LIN28B: variants seen among roughly 807,000 people sequenced by gnomAD.
LIN28B encodes lin-28 RNA binding posttranscriptional regulator B.
A neutral mutation model predicts 21.9 loss-of-function variants in LIN28B; 5 were observed. The ratio of observed to expected loss-of-function variants is 0.23; its 90% CI spans 0.12 to 0.48. The LOEUF (loss-of-function observed/expected upper bound fraction) is 0.48. Ranked by LOEUF, LIN28B falls within the 20% of genes least tolerant of loss-of-function variation. The pLI, the probability that LIN28B is intolerant of heterozygous loss-of-function variation, is 0.98. For synonymous variants in LIN28B, 109 were observed against 111.3 expected, an observed-to-expected ratio of 0.98 and a Z score of 0.13; for missense variants, 245 against 310.5, an observed-to-expected ratio of 0.79 and a Z score of 1.58.
At chr6:105,036,654 T>C (rs199717196) in intron 3 of LIN28B, among the ~76,000 whole-genome samples, 1 of 152,140 alleles carries the variant, frequency 6.6e-6, no homozygotes, top group Non-Finnish European at 1.5e-5. Flanking sequence ...CAAGATGCCA[T>C]TGGAATGGTC....
intron 2 of LIN28B, among the ~76,000 whole-genome samples, chr6:104,946,915 A>G (rs1176128487): frequency 1.3e-5 from 2 of 152,206 alleles, no homozygotes; most frequent in African/African-American, 4.8e-5. Context: ...GGAGATGAGA[A>G]TAAGTAATGA....
At chr6:105,061,521 C>T (rs1167540294) in intron 3 of LIN28B, among the ~76,000 whole-genome samples, 1 of 148,440 alleles carries the variant, frequency 6.7e-6, no homozygotes, top group Admixed American at 6.7e-5. Flanking sequence ...CCCCCACCCC[C>T]ACCCCCCAGT....
intron 2 of LIN28B, among the ~76,000 whole-genome samples, chr6:104,968,254 T>C (rs1769903926): frequency 6.6e-6 from 1 of 152,210 alleles, no homozygotes; most frequent in Non-Finnish European, 1.5e-5. Flanking sequence ...TTGTATTCAC[T>C]TCCTTTTACG....
At chr6:104,960,789 A>G (rs1769724120) in intron 2 of LIN28B, among the ~76,000 whole-genome samples, 1 of 152,170 alleles carries the variant, frequency 6.6e-6, no homozygotes, top group African/African-American at 2.4e-5. Context: ...AGTTGCTTCA[A>G]AATAAAGAGA....
intron 2 of LIN28B, among the ~76,000 whole-genome samples, chr6:105,001,273 T>G (rs749384133): frequency 2.0e-4 from 31 of 152,260 alleles, no homozygotes; most frequent in Non-Finnish European, 4.0e-4. Flanking sequence ...ATGCTCTGCC[T>G]GTGGAACACA....
chr6:105,078,297 G>A (rs1410973812), intron 3 of LIN28B, 117 bp from the exon 4 acceptor site: 1 of 919,536 alleles, frequency 1.1e-6, no homozygotes, highest in Non-Finnish European at 1.6e-6. Context: ...ATGCTTTTAA[G>A]AAGGCACATT....
At chr6:104,965,276 TC>T (rs1769830924) in intron 2 of LIN28B, among the ~76,000 whole-genome samples, 2 of 152,242 alleles carry the variant, frequency 1.3e-5, no homozygotes, top group Admixed American at 6.5e-5. Flanking sequence ...ATGCCTGTAA[TC>T]CCAGCACTTT....
At chr6:104,943,351 T>G (rs914096440) in intron 2 of LIN28B, among the ~76,000 whole-genome samples, 1 of 152,142 alleles carries the variant, frequency 6.6e-6, no homozygotes, top group African/African-American at 2.4e-5. Flanking sequence ...AAATCATGAT[T>G]AAAGGAAGAA....
At chr6:105,024,274 G>A (rs191870981) in intron 2 of LIN28B, among the ~76,000 whole-genome samples, 245 of 152,236 alleles carry the variant, frequency 1.6e-3, no homozygotes, top group Admixed American at 4.7e-3. Context: ...TTACAGGTGT[G>A]AGCTACCGCG....
At position 105,036,134 on chromosome 6, in the gene LIN28B, C is replaced by T. The variant is rs139567512; in HGVS notation, c.383+9652C>T. ...TGTATGCTTTTTTTCATTGTAACTCCGAACTATAGATCAGTTGATATCCCT... is the reference window on the plus strand; with the variant it reads ...TGTATGCTTTTTTTCATTGTAACTCTGAACTATAGATCAGTTGATATCCCT... On this transcript the variant is annotated intron_variant, in intron 3 of 3. Transcript: ENST00000345080. Among the ~76,000 whole-genome samples, 85 of 152,102 alleles carry T rather than the reference C, an allele frequency of 5.6e-4. 1 individual carries two copies. In the East Asian group the frequency reaches 0.016, roughly 28 times the overall value.
At chr6:105,008,975 A>G (rs1310561784) in intron 2 of LIN28B, among the ~76,000 whole-genome samples, 1 of 152,222 alleles carries the variant, frequency 6.6e-6, no homozygotes, top group African/African-American at 2.4e-5. Flanking sequence ...TTTGTTTATC[A>G]ATAACTGAGG....
At chr6:104,954,003 A>T (rs1778254150), upstream of LIN28B, among the ~76,000 whole-genome samples, 1 of 152,112 alleles carries the variant, frequency 6.6e-6, no homozygotes, top group Non-Finnish European at 1.5e-5. Flanking sequence ...TTGTTTTTTA[A>T]ATGGGGATGA....
intron 2 of LIN28B, among the ~76,000 whole-genome samples, chr6:104,948,382 G>A (rs996726683): frequency 5.3e-5 from 8 of 152,092 alleles, no homozygotes; most frequent in African/African-American, 1.7e-4. Context: ...CAGGAGAATC[G>A]CTTAAACCCA....
intron 3 of LIN28B, among the ~76,000 whole-genome samples, chr6:105,040,467 C>T (rs1008852275): frequency 9.9e-5 from 15 of 152,068 alleles, no homozygotes; most frequent in Admixed American, 2.6e-4. Flanking sequence ...AAAAACATCA[C>T]AACTTGTGTT....
intron 3 of LIN28B, among the ~76,000 whole-genome samples, chr6:105,047,585 T>C (rs1387709773): frequency 1.3e-5 from 2 of 152,198 alleles, no homozygotes; most frequent in African/African-American, 2.4e-5. Context: ...GGGGATGGCA[T>C]TGAATCTATA....
At chr6:104,968,623 A>G (rs1013954162) in intron 2 of LIN28B, among the ~76,000 whole-genome samples, 4 of 152,174 alleles carry the variant, frequency 2.6e-5, no homozygotes, top group Non-Finnish European at 5.9e-5. Context: ...TTATGGTGTT[A>G]TAGGATATAA....
chr6:105,057,927 T>A (rs1011228327), intron 3 of LIN28B: 1 of 233,628 alleles, frequency 4.3e-6, no homozygotes, highest in African/African-American at 2.4e-5. Flanking sequence ...TTTTATAGTC[T>A]GAATCTGAGC....
chr6:105,007,368 G>T (rs76019301), intron 2 of LIN28B, among the ~76,000 whole-genome samples: 3,308 of 152,084 alleles, frequency 0.022, 130 homozygotes, highest in African/African-American at 0.077. Flanking sequence ...AGAATCGTGG[G>T]ACATTTTTGT....
upstream of LIN28B, among the ~76,000 whole-genome samples, chr6:104,952,386 T>TA (rs1047850037): frequency 1.9e-4 from 29 of 152,356 alleles, 1 homozygote; most frequent in Admixed American, 1.4e-3. Context: ...TCTAGCCTGT[T>TA]ACTATTCTAA....
Sources: gnomAD v4.1 joint callset for allele counts (sites outside exome capture counted in the v4.1 genomes callset) on GRCh38, gnomAD v4.1.1 for gene constraint, MANE v1.5 for transcripts, NCBI Gene and HGNC (gene_info 2026-07-23, HGNC 2026-07-21) for gene names.